Variants in GRM1 observed in about 807,000 individuals in gnomAD.
GRM1 encodes glutamate metabotropic receptor 1, also known as metabotropic glutamate receptor 1.
In GRM1, 33 loss-of-function variants were observed where a neutral mutation model predicts 90.9. The ratio of observed to expected loss-of-function variants is 0.36; its 90% CI spans 0.28 to 0.49. The LOEUF is 0.49. Among genes scored for constraint, GRM1 ranks in the 20% least tolerant of loss-of-function variants. The pLI is 0.99. For missense variants in GRM1, 1,190 were observed against 1,534.3 expected (o/e 0.78, Z 3.75); for synonymous variants, 700 against 613.2 (o/e 1.14, Z -2.09).
intron 1 of GRM1, among the ~76,000 whole-genome samples, chr6:146,067,480 C>A (rs1044616099): frequency 6.6e-6 from 1 of 151,970 alleles, no homozygotes; most frequent in Non-Finnish European, 1.5e-5. Flanking sequence ...CTTCTGAAAT[C>A]TTTAAATTTT....
At chr6:146,034,859 G>T (rs1338152237) in intron 1 of GRM1, among the ~76,000 whole-genome samples, 1 of 151,914 alleles carries the variant, frequency 6.6e-6, no homozygotes, top group African/African-American at 2.4e-5. Context: ...TTTAAGTAAA[G>T]ATTTACTGCA....
chr6:146,117,813 T>G (rs1255483115), intron 1 of GRM1, among the ~76,000 whole-genome samples: 4 of 152,122 alleles, frequency 2.6e-5, no homozygotes, highest in African/African-American at 9.6e-5. Flanking sequence ...TTTCCCTTTG[T>G]TCTCTGCAGG....
chr6:146,391,989 G>A (rs1411601601), intron 6 of GRM1, among the ~76,000 whole-genome samples: 1 of 152,100 alleles, frequency 6.6e-6, no homozygotes, highest in Non-Finnish European at 1.5e-5. Context: ...GCACTGTATA[G>A]GACAGAGTTA....
At position 146,211,654 on chromosome 6, in the gene GRM1, A is replaced by G. The variant is rs139575435; in HGVS notation, c.950+52057A>G. ...AAATTTTCATCAAACATCTCAAATT[A>G]CATCTTTCAAAAATCCATGACTATA... On this transcript the variant is annotated intron_variant, in intron 2 of 7. Coordinates refer to ENST00000282753, the MANE Select transcript of GRM1 (RefSeq NM_001278064.2). Among the ~76,000 whole-genome samples, 461 of 152,332 alleles carry G rather than the reference A, an allele frequency of 3.0e-3. 4 individuals are homozygous for G. The highest frequency in any genetic ancestry group is 0.011 in the African/African-American group (441 of 41,570).
At chr6:146,317,131 G>C (rs956979926) in intron 3 of GRM1, among the ~76,000 whole-genome samples, 1 of 152,084 alleles carries the variant, frequency 6.6e-6, no homozygotes, top group South Asian at 2.1e-4. Flanking sequence ...AAAGATTTAT[G>C]TGTGCCAAAT....
At chr6:146,383,377 A>G (rs1355291836) in intron 5 of GRM1, among the ~76,000 whole-genome samples, 2 of 152,180 alleles carry the variant, frequency 1.3e-5, no homozygotes, top group Non-Finnish European at 2.9e-5. Flanking sequence ...GGAGAAAGAT[A>G]CAGCTGGTTG....
intron 2 of GRM1, among the ~76,000 whole-genome samples, chr6:146,214,585 A>C: frequency 6.6e-6 from 1 of 152,310 alleles, no homozygotes; most frequent in East Asian, 1.9e-4. Context: ...AATAGGTCAT[A>C]ATTGTATTGT....
intron 2 of GRM1, among the ~76,000 whole-genome samples, chr6:146,281,865 A>C (rs1048144131): frequency 8.5e-5 from 13 of 152,342 alleles, no homozygotes; most frequent in African/African-American, 3.1e-4. Context: ...GCATTCATGC[A>C]TGTGTACATT....
chr6:146,308,950 T>C (rs1783682492), intron 3 of GRM1, among the ~76,000 whole-genome samples: 1 of 152,188 alleles, frequency 6.6e-6, no homozygotes, highest in Non-Finnish European at 1.5e-5. Flanking sequence ...TTTCATTCTT[T>C]CTATTTAGGC....
intron 2 of GRM1, among the ~76,000 whole-genome samples, chr6:146,218,182 G>A (rs1361761180): frequency 1.3e-5 from 2 of 152,230 alleles, no homozygotes; most frequent in Middle Eastern, 3.4e-3. Flanking sequence ...CTGGTGAGAG[G>A]AATAGACACA....
At chr6:146,083,587 T>C (rs1415954471) in intron 1 of GRM1, among the ~76,000 whole-genome samples, 1 of 152,224 alleles carries the variant, frequency 6.6e-6, no homozygotes, top group Non-Finnish European at 1.5e-5. Context: ...TGAAGCCGAC[T>C]TGATCATGGT....
At chr6:146,293,687 T>G (rs1373721930) in intron 2 of GRM1, among the ~76,000 whole-genome samples, 1 of 151,908 alleles carries the variant, frequency 6.6e-6, no homozygotes, top group African/African-American at 2.4e-5. Flanking sequence ...AAGATAACAA[T>G]TATCTGTTCT....
At chr6:146,331,394 A>G (rs912887583) in intron 3 of GRM1, among the ~76,000 whole-genome samples, 1 of 152,176 alleles carries the variant, frequency 6.6e-6, no homozygotes, top group Non-Finnish European at 1.5e-5. Context: ...TTTACTAGCT[A>G]GAGAAAAAAT....
intron 6 of GRM1, among the ~76,000 whole-genome samples, chr6:146,390,875 C>T (rs1033844964): frequency 6.6e-6 from 1 of 151,884 alleles, no homozygotes; most frequent in African/African-American, 2.4e-5. Flanking sequence ...AAATATGGAG[C>T]GGCTGTTTTT....
At chr6:146,421,377 G>C (rs779002391) in intron 7 of GRM1, among the ~76,000 whole-genome samples, 1 of 152,134 alleles carries the variant, frequency 6.6e-6, no homozygotes, top group South Asian at 2.1e-4. Flanking sequence ...ACATAATACC[G>C]TGCAAAAAGG....
At chr6:146,186,576 C>T (rs1778738824) in intron 2 of GRM1, among the ~76,000 whole-genome samples, 1 of 152,104 alleles carries the variant, frequency 6.6e-6, no homozygotes, top group South Asian at 2.1e-4. Flanking sequence ...GATCTGTTTA[C>T]CAACTTACTA....
At chr6:146,041,744 A>T (rs1791116021) in intron 1 of GRM1, among the ~76,000 whole-genome samples, 1 of 151,944 alleles carries the variant, frequency 6.6e-6, no homozygotes, top group South Asian at 2.1e-4. Flanking sequence ...ATTCTGGGTT[A>T]TTGGTGATGA....
chr6:146,211,884 A>C (rs2114648450), intron 2 of GRM1, among the ~76,000 whole-genome samples: 1 of 152,326 alleles, frequency 6.6e-6, no homozygotes, highest in South Asian at 2.1e-4. Context: ...GGGCTCAACC[A>C]GAGAAAGAGA....
chr6:146,188,150 G>C (rs954298043), intron 2 of GRM1, among the ~76,000 whole-genome samples: 3 of 151,980 alleles, frequency 2.0e-5, no homozygotes, highest in Non-Finnish European at 4.4e-5. Flanking sequence ...AACCCCTGTG[G>C]TCACTGTACC....
Sources: gnomAD v4.1 joint callset for allele counts (sites outside exome capture counted in the v4.1 genomes callset) on GRCh38, gnomAD v4.1.1 for gene constraint, MANE v1.5 for transcripts, NCBI Gene and HGNC (gene_info 2026-07-23, HGNC 2026-07-21) for gene names.